Variants in FGR observed in about 807,000 individuals in gnomAD.
FGR encodes FGR proto-oncogene, Src family tyrosine kinase.
A neutral mutation model predicts 63.2 loss-of-function variants in FGR; 26 were observed. The ratio of observed to expected loss-of-function variants is 0.41; its 90% CI spans 0.30 to 0.57. The LOEUF is 0.57. Ranked by LOEUF, FGR falls within the 20% of genes least tolerant of loss-of-function variation. FGR has a pLI of 0.27. For missense variants in FGR, 511 were observed against 690.8 expected, an observed-to-expected ratio of 0.74 and a Z score of 2.92; for synonymous variants, 286 against 277.7, an observed-to-expected ratio of 1.03 and a Z score of -0.30.
At chr1:27,620,154 T>C (rs1437987776) in intron 5 of FGR, among the ~76,000 whole-genome samples, 2 of 151,756 alleles carry the variant, frequency 1.3e-5, no homozygotes, top group Non-Finnish European at 2.9e-5. Context: ...CCGTCTCTAC[T>C]AAAATTATAA....
rs780777897 is a variant in FGR at position 27,623,947 on chromosome 1, C to G, written c.-13-18G>C. The G allele has an allele frequency of 6.4e-7, 1 of 1,553,902 alleles. No homozygotes were observed. The highest frequency in any genetic ancestry group is 8.7e-7 in the Non-Finnish European group (1 of 1,146,724). ...GTTCCCTGCTACAGAATGGGGCATG[C>G]CTCACTCAAGGACCCCTGCCAGGTG... On this transcript the variant is annotated intron_variant, in intron 2 of 12. Transcript: ENST00000374005.
At position 27,623,057 on chromosome 1, in the gene FGR, T is replaced by C; in HGVS notation, c.314A>G (p.His105Arg). ...GGTCACTTACGTATTGTTCAGGATG[T>C]GGAACTTCTCGCCCTTGGTGAAGGT... ...DLTFTKGEKF[H>R]ILNNTEGDWW... The change falls in exon 4 of 13, where the codon CAC becomes CGC. Residue 105 changes from histidine to arginine, a missense_variant. By Grantham distance (29) the His-to-Arg change is conservative (BLOSUM62 0). Coordinates refer to ENST00000374005, the MANE Select transcript of FGR (RefSeq NM_005248.3). 1 of 1,613,806 alleles carries C rather than the reference T, an allele frequency of 6.2e-7. No individual in the cohort carries two copies. The highest frequency in any genetic ancestry group is 1.1e-5 in the South Asian group (1 of 91,080).
intron 1 of FGR, among the ~76,000 whole-genome samples, chr1:27,630,270 G>A (rs2090086868): frequency 6.6e-6 from 1 of 152,142 alleles, no homozygotes; most frequent in East Asian, 1.9e-4. Flanking sequence ...AGCCCGGATG[G>A]TCTCGATCTC....
chr1:27,614,607 A>T (rs2089764203), intron 10 of FGR, 24 bp from the exon 11 acceptor site: 2 of 1,611,284 alleles, frequency 1.2e-6, no homozygotes, highest in Non-Finnish European at 1.7e-6. Flanking sequence ...GTGTGGAGAG[A>T]TGGGAGCTCA....
At chr1:27,626,261 G>C (rs1307157389) in intron 1 of FGR, 1 of 398,606 alleles carries the variant, frequency 2.5e-6, no homozygotes, top group African/African-American at 2.1e-5. Flanking sequence ...TGGTGAGAGG[G>C]CTTGGTTTCC....
intron 1 of FGR, among the ~76,000 whole-genome samples, chr1:27,632,720 T>A (rs1447504135): frequency 6.6e-6 from 1 of 151,968 alleles, no homozygotes; most frequent in East Asian, 1.9e-4. Flanking sequence ...GACTCAGGAT[T>A]TTCAGGAGAT....
intron 5 of FGR, among the ~76,000 whole-genome samples, chr1:27,619,007 CTT>C (rs1363321625): frequency 6.6e-6 from 1 of 152,128 alleles, no homozygotes; most frequent in East Asian, 1.9e-4. Flanking sequence ...CACGCCCTCT[CTT>C]GTTTCCTGAA....
chr1:27,615,783 C>G lies in FGR; in HGVS notation c.744G>C (p.Thr248=). Reference sequence around the variant, plus strand: ...CCCAGGCGTCCTTGGCCAGGCCCAGCGTCTGCGGCTTCATGATGGTGCAGG... The same window carrying G: ...CCCAGGCGTCCTTGGCCAGGCCCAGGGTCTGCGGCTTCATGATGGTGCAGG... ...IAPCTIMKPQ[T]LGLAKDAWEI... is the part of the protein sequence containing the mutation. The change falls in exon 8 of 13, where the codon ACG becomes ACC. Residue 248 remains threonine (T), a synonymous_variant. Coordinates refer to ENST00000374005, the MANE Select transcript of FGR (RefSeq NM_005248.3). This position sits in a 1 kb window ranked among gnomAD's most constrained non-coding sequence, Gnocchi z 7.6. 1 of 1,602,050 alleles carries G rather than the reference C, an allele frequency of 6.2e-7. No homozygotes were observed. The highest frequency in any genetic ancestry group is 8.5e-7 in the Non-Finnish European group (1 of 1,174,398).
chr1:27,625,184 A>T (rs1043237179), intron 1 of FGR, 33 bp from the exon 2 acceptor site: 1 of 152,670 alleles, frequency 6.6e-6, no homozygotes, highest in African/African-American at 2.4e-5. Flanking sequence ...AGGAAGATGA[A>T]GTCTCTGCCA....
At chr1:27,631,345 A>G (rs1295952533) in intron 1 of FGR, among the ~76,000 whole-genome samples, 1 of 152,162 alleles carries the variant, frequency 6.6e-6, no homozygotes, top group Admixed American at 6.5e-5. Flanking sequence ...ACTGCTGGAC[A>G]TAGGAACCCC....
chr1:27,613,045 G>A lies in FGR; in HGVS notation c.1459C>T (p.Leu487=), dbSNP rs903920438. Reference sequence around the variant, plus strand: ...CAGGTCTGTTCCATGGCCTCGTACAGGGATGCTGGGCAGCCTGGAGGGCAC... The same window carrying A: ...CAGGTCTGTTCCATGGCCTCGTACAAGGATGCTGGGCAGCCTGGAGGGCAC... ...MPCPPGCPAS[L]YEAMEQTWRL... is the part of the protein sequence containing the mutation. Residue 487 remains leucine (L), a synonymous_variant, in exon 13 of 13, where the codon CTG becomes TTG. Coordinates refer to ENST00000374005, the MANE Select transcript of FGR (RefSeq NM_005248.3). 1.4e-5 allele frequency: 23 copies of A among 1,614,220 alleles called. No homozygotes were observed. The highest frequency in any genetic ancestry group is 1.9e-5 in the Non-Finnish European group (23 of 1,180,030).
rs2089815078 is a variant in FGR at position 27,616,486 on chromosome 1, G to A, written c.682+371C>T. Among the ~76,000 whole-genome samples, 1 of 152,226 alleles carries A rather than the reference G, an allele frequency of 6.6e-6. No homozygotes were observed. The highest frequency in any genetic ancestry group is 1.5e-5 in the Non-Finnish European group (1 of 68,036). On this transcript the variant is annotated intron_variant, in intron 7 of 12. Transcript: ENST00000374005. This position sits in a 1 kb window ranked among gnomAD's most constrained non-coding sequence, Gnocchi z 4.3. ...CAGCCAGAGTTTCTCACAAAAGTGA[G>A]ACCAGCCTCTGTCACCCCCTGCTCA...
intron 1 of FGR, among the ~76,000 whole-genome samples, chr1:27,633,601 ACTCT>A (rs568231369): frequency 6.6e-6 from 1 of 151,734 alleles, no homozygotes; most frequent in Non-Finnish European, 1.5e-5. Context: ...ACAAAATCTC[ACTCT>A]CTCATCCAGG....
At position 27,635,156 on chromosome 1, in the gene FGR, C is replaced by T. The variant is rs2090161901; in HGVS notation, c.-168G>A. Reference sequence around the variant, plus strand: ...GTGCGGGGAGAACTGGGGTGCTGCCCGCCTCTGACCGCCGCCCCTGCTGGG... The same window carrying T: ...GTGCGGGGAGAACTGGGGTGCTGCCTGCCTCTGACCGCCGCCCCTGCTGGG... On this transcript the variant is annotated 5_prime_UTR_variant, in exon 1 of 13. Coordinates refer to ENST00000374005, the MANE Select transcript of FGR (RefSeq NM_005248.3). 2.0e-5 allele frequency: 3 copies of T among 152,284 alleles called. No homozygotes were observed. The highest frequency in any genetic ancestry group is 2.0e-4 in the Admixed American group (3 of 15,288). 9.4% of individuals were successfully genotyped at this position (152,284 alleles called of 1,614,324 possible).
intron 1 of FGR, among the ~76,000 whole-genome samples, chr1:27,632,373 G>A (rs2090118400): frequency 6.6e-6 from 1 of 151,966 alleles, no homozygotes; most frequent in African/African-American, 2.4e-5. Context: ...TCTGACCTCA[G>A]GTGATCCACC....
chr1:27,618,308 TATAATA>T (rs2089854789), intron 5 of FGR, among the ~76,000 whole-genome samples: 1 of 152,168 alleles, frequency 6.6e-6, no homozygotes, highest in Non-Finnish European at 1.5e-5. Context: ...TAATAATCAC[TATAATA>T]ATAACACACA....
At chr1:27,625,914 G>A (rs926160904) in intron 1 of FGR, 4 of 384,228 alleles carry the variant, frequency 1.0e-5, no homozygotes, top group South Asian at 1.4e-4. Flanking sequence ...ACTCCAGCCC[G>A]GGTGACAGAG....
chr1:27,629,974 A>T (rs1414567978), intron 1 of FGR, among the ~76,000 whole-genome samples: 1 of 152,230 alleles, frequency 6.6e-6, no homozygotes, highest in Non-Finnish European at 1.5e-5. Context: ...CCCATGGTCC[A>T]TGGGCCATAT....
chr1:27,628,272 C>G (rs1166462455), intron 1 of FGR, among the ~76,000 whole-genome samples: 1 of 151,852 alleles, frequency 6.6e-6, no homozygotes, highest in Non-Finnish European at 1.5e-5. Context: ...CACTCAAGAC[C>G]AGGAGATAGA....
Sources: gnomAD v4.1 joint callset for allele counts (sites outside exome capture counted in the v4.1 genomes callset) on GRCh38, gnomAD v4.1.1 for gene constraint, Gnocchi (gnomAD v3.1) non-coding constraint, MANE v1.5 for transcripts, NCBI Gene and HGNC (gene_info 2026-07-23, HGNC 2026-07-21) for gene names.